Variants in ANGPTL2 observed in about 807,000 individuals in gnomAD.
The protein encoded by ANGPTL2 is angiopoietin-related protein 2.
ANGPTL2 carries 25 observed loss-of-function variants against 52.8 expected under a neutral mutation model. That is an observed-to-expected ratio of 0.47 (90% confidence interval 0.35 to 0.66). ANGPTL2 has a LOEUF of 0.66. Ranked by LOEUF, ANGPTL2 falls within the 30% of genes least tolerant of loss-of-function variation. The pLI is 0.01. For synonymous variants in ANGPTL2, 276 were observed against 277.4 expected, an observed-to-expected ratio of 1.00 and a Z score of 0.05; for missense variants, 546 against 656.9, an observed-to-expected ratio of 0.83 and a Z score of 1.84.
chr9:127,101,732 A>G (rs919733196), intron 2 of ANGPTL2, among the ~76,000 whole-genome samples: 14 of 152,252 alleles, frequency 9.2e-5, no homozygotes, highest in African/African-American at 2.9e-4. Flanking sequence ...GTGCCAGATG[A>G]GTGGATTTTT....
chr9:127,093,984 C>G lies in ANGPTL2; in HGVS notation c.818-58G>C, dbSNP rs545973105. On this transcript the variant is annotated intron_variant, in intron 2 of 4. Coordinates refer to ENST00000373425, the MANE Select transcript of ANGPTL2 (RefSeq NM_012098.3). ...CCTGCCTGTCACCAGGCCGCACCCC[C>G]AGCTGCACCCCAAGCAGGCACAACC... is the stretch of plus-strand genomic sequence containing the variant. 2.9e-5 allele frequency: 45 copies of G among 1,568,328 alleles called. No individual in the cohort carries two copies. In the African/African-American group the frequency reaches 4.8e-4, roughly 17 times the overall value.
intron 2 of ANGPTL2, among the ~76,000 whole-genome samples, chr9:127,103,998 A>G (rs1162136495): frequency 2.0e-5 from 3 of 152,174 alleles, no homozygotes; most frequent in Non-Finnish European, 4.4e-5. Flanking sequence ...ATGAACCTCA[A>G]TATCCTGCAA....
At chr9:127,117,818 C>T (rs1380361728) in intron 1 of ANGPTL2, among the ~76,000 whole-genome samples, 1 of 152,258 alleles carries the variant, frequency 6.6e-6, no homozygotes, top group Non-Finnish European at 1.5e-5. Context: ...AGTGGGACCA[C>T]CTCAGGCAGG....
At chr9:127,112,837 ACTAATG>A (rs1159466486) in intron 1 of ANGPTL2, among the ~76,000 whole-genome samples, 1 of 152,244 alleles carries the variant, frequency 6.6e-6, no homozygotes, top group African/African-American at 2.4e-5. Context: ...CATCTCCTTG[ACTAATG>A]CTTGCACAGG....
At chr9:127,105,039 G>A (rs2054085472) in intron 2 of ANGPTL2, among the ~76,000 whole-genome samples, 1 of 152,110 alleles carries the variant, frequency 6.6e-6, no homozygotes, top group African/African-American at 2.4e-5. Context: ...CTCAACACCA[G>A]GAGAGGGCAG....
chr9:127,089,422 A>G (rs2052181085), intron 4 of ANGPTL2, among the ~76,000 whole-genome samples: 1 of 152,220 alleles, frequency 6.6e-6, no homozygotes, highest in African/African-American at 2.4e-5. Flanking sequence ...CCTGCCGCAC[A>G]GGGCGGCTCT....
rs1312848930 is a variant in ANGPTL2 at position 127,116,067 on chromosome 9, T to G, written c.-50+6248A>C. On this transcript the variant is annotated intron_variant, in intron 1 of 4. Coordinates refer to ENST00000373425, the MANE Select transcript of ANGPTL2 (RefSeq NM_012098.3). ...ATTGAATGAACCATTTATCCATCCATCCAGCCCTCCATCACCCACCCATTT... is the reference window on the plus strand; with the variant it reads ...ATTGAATGAACCATTTATCCATCCAGCCAGCCCTCCATCACCCACCCATTT... Among the ~76,000 whole-genome samples, 4 of 152,280 alleles carry G rather than the reference T, an allele frequency of 2.6e-5. No homozygotes were observed. In the South Asian group the frequency reaches 8.3e-4, roughly 32 times the overall value.
At chr9:127,116,499 G>GC (rs2055438182) in intron 1 of ANGPTL2, among the ~76,000 whole-genome samples, 1 of 152,218 alleles carries the variant, frequency 6.6e-6, no homozygotes, top group South Asian at 2.1e-4. Flanking sequence ...GGAAGAGTCT[G>GC]CAGAAGCCAT....
At chr9:127,103,358 A>T (rs760884140) in intron 2 of ANGPTL2, among the ~76,000 whole-genome samples, 14 of 152,186 alleles carry the variant, frequency 9.2e-5, no homozygotes, top group Non-Finnish European at 2.1e-4. Flanking sequence ...CACTCTTGTC[A>T]GTGAAGCAAT....
intron 2 of ANGPTL2, among the ~76,000 whole-genome samples, chr9:127,100,689 G>A (rs2053633716): frequency 6.6e-6 from 1 of 152,170 alleles, no homozygotes; most frequent in South Asian, 2.1e-4. Flanking sequence ...CTCTGTCAGA[G>A]ACTGTGGTGC....
At chr9:127,099,766 G>C (rs2053534978) in intron 2 of ANGPTL2, among the ~76,000 whole-genome samples, 2 of 152,204 alleles carry the variant, frequency 1.3e-5, no homozygotes, top group African/African-American at 2.4e-5. Context: ...TAGCTTGTAT[G>C]GTCCCAAAGG....
chr9:127,108,320 A>G lies in ANGPTL2; in HGVS notation c.412T>C (p.Tyr138His), dbSNP rs754634329. The G allele has an allele frequency of 2.5e-6, 4 of 1,613,704 alleles. No homozygotes were observed. Among genetic ancestry groups the G allele is most frequent in the Non-Finnish European group, 2.5e-6 (3 of 1,179,852 alleles). The part of the protein sequence containing the change: ...RNMNSRVTQL[Y>H]MQLLHEIIRK... ...ATGATCTCGTGCAGGAGCTGCATGT[A>G]GAGCTGCGTGACCCGCGAGTTCATG... Residue 138 changes from tyrosine to histidine, a missense_variant, in exon 2 of 5, where the codon TAC becomes CAC. Transcript: ENST00000373425.
chr9:127,097,976 G>A (rs1473519049), intron 2 of ANGPTL2, among the ~76,000 whole-genome samples: 2 of 152,204 alleles, frequency 1.3e-5, no homozygotes, highest in Non-Finnish European at 2.9e-5. Flanking sequence ...GCCAGCATGG[G>A]AGCCAGCTGG....
At chr9:127,112,450 A>G (rs2054929682) in intron 1 of ANGPTL2, among the ~76,000 whole-genome samples, 1 of 152,242 alleles carries the variant, frequency 6.6e-6, no homozygotes, top group Non-Finnish European at 1.5e-5. Flanking sequence ...GCAGGGCTCC[A>G]CTGTGGCCAA....
Position 127,107,961 on chromosome 9 carries a change from A to T in ANGPTL2, c.771T>A (p.Thr257=), listed in dbSNP as rs780531484. Reference sequence around the variant, plus strand: ...ATGGGAGGCTGGTGAGAGTGGGCATAGTGGGCAGAGGGGGTGGCAGCACCT... The same window carrying T: ...ATGGGAGGCTGGTGAGAGTGGGCATTGTGGGCAGAGGGGGTGGCAGCACCT... The part of the protein sequence containing the change: ...NLKVLPPPLP[T]MPTLTSLPSS... Residue 257 remains threonine, a synonymous_variant, in exon 2 of 5, where the codon ACT becomes ACA. Coordinates refer to ENST00000373425, the MANE Select transcript of ANGPTL2 (RefSeq NM_012098.3). The T allele has an allele frequency of 6.4e-7, 1 of 1,560,098 alleles. No individual in the cohort carries two copies. Among genetic ancestry groups the T allele is most frequent in the Admixed American group, 1.8e-5 (1 of 56,694 alleles).
At chr9:127,110,553 T>C (rs1011848308) in intron 1 of ANGPTL2, among the ~76,000 whole-genome samples, 2 of 152,220 alleles carry the variant, frequency 1.3e-5, no homozygotes, top group Non-Finnish European at 2.9e-5. Flanking sequence ...CCCAGGACTC[T>C]AGACTCATAC....
At chr9:127,097,224 T>A (rs1158067383) in intron 2 of ANGPTL2, among the ~76,000 whole-genome samples, 1 of 152,286 alleles carries the variant, frequency 6.6e-6, no homozygotes, top group African/African-American at 2.4e-5. Flanking sequence ...TTTGCCCATT[T>A]TTCAACGATT....
Position 127,093,921 on chromosome 9 carries a change from A to G in ANGPTL2, c.823T>C (p.Trp275Arg), listed in dbSNP as rs371457775. ...TCCAGGGCCTGCAGGCAGTCTCTCCATGGGCCTGGGGACACAGACATGCAT... is the reference window on the plus strand; with the variant it reads ...TCCAGGGCCTGCAGGCAGTCTCTCCGTGGGCCTGGGGACACAGACATGCAT... ...PSSTDKPSGP[W>R]RDCLQALEDG... The change falls in exon 3 of 5, where the codon TGG becomes CGG. Residue 275 changes from tryptophan to arginine, a missense_variant. Transcript: ENST00000373425. 28 of 1,613,404 alleles carry G rather than the reference A, an allele frequency of 1.7e-5. No individual in the cohort carries two copies. The highest frequency in any genetic ancestry group is 4.4e-5 in the South Asian group (4 of 91,054).
chr9:127,090,086 G>T (rs1049776878), intron 4 of ANGPTL2, among the ~76,000 whole-genome samples: 1 of 152,164 alleles, frequency 6.6e-6, no homozygotes, highest in African/African-American at 2.4e-5. Flanking sequence ...TTTTCTGGGG[G>T]TCCCTCTGGG....
Sources: allele counts gnomAD v4.1 joint callset (sites outside exome capture counted in the v4.1 genomes callset), GRCh38; gene constraint gnomAD v4.1.1; transcripts MANE v1.5; gene names NCBI Gene and HGNC (gene_info 2026-07-23, HGNC 2026-07-21).